The following FRMD3 variants were observed in gnomAD, a reference collection of about 807,000 sequenced individuals.
The protein encoded by FRMD3 is FERM domain containing 3.
In FRMD3, 33 loss-of-function variants were observed where a neutral mutation model predicts 70.2. The observed-to-expected ratio is 0.47, with a 90% confidence interval of 0.36 to 0.63. The LOEUF is 0.63. Ranked by LOEUF, FRMD3 falls within the 20% of genes least tolerant of loss-of-function variation. FRMD3 has a pLI of 0.00. For missense variants in FRMD3, 632 were observed against 711.4 expected (o/e 0.89, Z 1.27); for synonymous variants, 279 against 255.9 (o/e 1.09, Z -0.86).
chr9:83,274,316 A>G (rs913310115), intron 13 of FRMD3, among the ~76,000 whole-genome samples: 5 of 152,170 alleles, frequency 3.3e-5, no homozygotes, highest in Non-Finnish European at 7.3e-5. Context: ...CCCTTCAGTC[A>G]TCTATCCCTT....
chr9:83,477,778 G>A (rs761446957), intron 1 of FRMD3, among the ~76,000 whole-genome samples: 96 of 152,164 alleles, frequency 6.3e-4, no homozygotes, highest in Non-Finnish European at 1.0e-3. Flanking sequence ...TCCAGTCTCC[G>A]TTGCCTGGGC....
chr9:83,526,688 G>A (rs1186527999), intron 1 of FRMD3, among the ~76,000 whole-genome samples: 10 of 152,206 alleles, frequency 6.6e-5, no homozygotes, highest in South Asian at 2.1e-4. Context: ...AACTGACTGC[G>A]AGCTCCTTGA....
At chr9:83,275,915 T>C (rs148043670) in intron 13 of FRMD3, 2 of 152,232 alleles carry the variant, frequency 1.3e-5, no homozygotes, top group African/African-American at 4.8e-5. Context: ...TGAGGAATTC[T>C]CTTGTAGTAT....
Position 83,244,813 on chromosome 9 carries a change from A to G in FRMD3, c.*3105T>C, listed in dbSNP as rs1239504611. On this transcript the variant is annotated 3_prime_UTR_variant, in exon 14 of 14. Transcript: ENST00000304195. The stretch of plus-strand genomic sequence containing the variant: ...AATTCACCCCGAGTTGTGTTTATAA[A>G]TATTAGACAAACCACAAAATATATT... 1.0e-6 allele frequency: 1 copy of G among 985,118 alleles called. No homozygotes were observed. Among genetic ancestry groups the G allele is most frequent in the Non-Finnish European group, 1.2e-6 (1 of 829,758 alleles). The allele number at this position is 985,118 out of a possible 1,614,324, so 61.0% of individuals were successfully genotyped here. A position where few individuals can be genotyped will look rare whatever the true frequency, so the allele number is the denominator to read the frequency against.
intron 1 of FRMD3, among the ~76,000 whole-genome samples, chr9:83,479,361 GGAA>G (rs3084912): frequency 0.037 from 1,339 of 36,208 alleles, 33 homozygotes; most frequent in African/African-American, 0.13. Flanking sequence ...AGGAGGAGGA[GGAA>G]GAAGAAGAGG....
At chr9:83,271,432 T>C (rs1046378060) in intron 13 of FRMD3, among the ~76,000 whole-genome samples, 3 of 152,150 alleles carry the variant, frequency 2.0e-5, no homozygotes, top group Non-Finnish European at 4.4e-5. Flanking sequence ...ATTTTAATAA[T>C]ATATTTATGA....
intron 1 of FRMD3, among the ~76,000 whole-genome samples, chr9:83,439,586 A>G (rs1039083942): frequency 4.6e-5 from 7 of 152,234 alleles, no homozygotes; most frequent in Non-Finnish European, 1.5e-5. Context: ...CTGAGTGGAG[A>G]GGAAAGACGA....
At chr9:83,264,564 T>G (rs1481059765) in intron 13 of FRMD3, among the ~76,000 whole-genome samples, 1 of 152,244 alleles carries the variant, frequency 6.6e-6, no homozygotes, top group Admixed American at 6.5e-5. Flanking sequence ...TGAGGGAAAT[T>G]CCCCATATGT....
chr9:83,501,238 G>A (rs1051441127), intron 1 of FRMD3, among the ~76,000 whole-genome samples: 2 of 152,058 alleles, frequency 1.3e-5, no homozygotes, highest in Admixed American at 6.5e-5. Context: ...AGCTTGCAGT[G>A]AGCCGAGATG....
intron 1 of FRMD3, among the ~76,000 whole-genome samples, chr9:83,497,602 G>A (rs1828970012): frequency 6.6e-6 from 1 of 152,178 alleles, no homozygotes; most frequent in Non-Finnish European, 1.5e-5. Context: ...CAGTTGGCAG[G>A]GCCATCTGTC....
At chr9:83,308,400 T>C (rs1174672317) in intron 10 of FRMD3, among the ~76,000 whole-genome samples, 3 of 152,152 alleles carry the variant, frequency 2.0e-5, no homozygotes, top group Non-Finnish European at 2.9e-5. Flanking sequence ...ATCCAAGCCA[T>C]CATTCTCCTG....
chr9:83,469,562 A>G (rs542994206), intron 1 of FRMD3, among the ~76,000 whole-genome samples: 1 of 152,358 alleles, frequency 6.6e-6, no homozygotes, highest in African/African-American at 2.4e-5. Context: ...TCACTTGTGG[A>G]GGAGAAACTT....
intron 1 of FRMD3, among the ~76,000 whole-genome samples, chr9:83,445,717 T>A (rs1827441681): frequency 6.6e-6 from 1 of 152,204 alleles, no homozygotes; most frequent in Admixed American, 6.5e-5. Flanking sequence ...ATGAAAGATT[T>A]AAGGAATGTT....
chr9:83,416,694 T>C (rs1490098284), intron 1 of FRMD3, among the ~76,000 whole-genome samples: 1 of 151,458 alleles, frequency 6.6e-6, no homozygotes, highest in East Asian at 1.9e-4. Flanking sequence ...TTATAGTAAG[T>C]CCACTTGTGA....
intron 3 of FRMD3, among the ~76,000 whole-genome samples, chr9:83,357,241 ACATACATATATAT>A (rs1824398588): frequency 0.018 from 126 of 7,066 alleles, 13 homozygotes; most frequent in South Asian, 0.048. Flanking sequence ...TATATATAAT[ACATACATATATAT>A]ATATATATAT....
Position 83,311,978 on chromosome 9 carries a change from G to GAAAAAAA in FRMD3, c.685-10_685-4dup, listed in dbSNP as rs200178795. ...AATGTTGTTGTGCCTGTTGAATCCTGAAAAAAAAAAAAAAGAAAAAAGAAA... is the reference window on the plus strand; with the variant it reads ...AATGTTGTTGTGCCTGTTGAATCCTGAAAAAAAAAAAAAAAAAAAAAGAAAAAAGAAA... On this transcript the variant is annotated splice_region_variant and splice_polypyrimidine_tract_variant and intron_variant, in intron 7 of 13. Coordinates refer to ENST00000304195, the MANE Select transcript of FRMD3 (RefSeq NM_174938.6). The GAAAAAAA allele has an allele frequency of 8.3e-6, 11 of 1,326,994 alleles. No individual in the cohort carries two copies. The highest frequency in any genetic ancestry group is 2.3e-4 in the Middle Eastern group (1 of 4,336). 82.2% of individuals were successfully genotyped at this position (1,326,994 alleles called of 1,614,324 possible).
chr9:83,243,174 C>T (rs1469881373), downstream of FRMD3: 2 of 1,549,708 alleles, frequency 1.3e-6, no homozygotes, highest in Non-Finnish European at 1.7e-6. Context: ...TGGCTGAGCT[C>T]ACCACGGGCA....
intron 1 of FRMD3, among the ~76,000 whole-genome samples, chr9:83,410,741 G>C (rs1826255697): frequency 6.6e-6 from 1 of 152,190 alleles, no homozygotes; most frequent in African/African-American, 2.4e-5. Context: ...TTCTACCGCA[G>C]CTGAACTAAT....
intron 1 of FRMD3, among the ~76,000 whole-genome samples, chr9:83,528,175 A>G (rs1208712622): frequency 2.6e-5 from 4 of 152,232 alleles, no homozygotes; most frequent in African/African-American, 9.6e-5. Context: ...ACACAGCTTT[A>G]TGCAATTATT....
Sources: allele counts gnomAD v4.1 joint callset (sites outside exome capture counted in the v4.1 genomes callset), GRCh38; gene constraint gnomAD v4.1.1; transcripts MANE v1.5; gene names NCBI Gene and HGNC (gene_info 2026-07-23, HGNC 2026-07-21).